The following ANKAR variants were observed in gnomAD, a reference collection of about 807,000 sequenced individuals.
ANKAR encodes ankyrin and armadillo repeat-containing protein.
In ANKAR, 136 loss-of-function variants were observed where a neutral mutation model predicts 146.2. The ratio of observed to expected loss-of-function variants is 0.93; its 90% confidence interval spans 0.81 to 1.07. The LOEUF is 1.07. Among genes scored for constraint, ANKAR ranks in the 50% least tolerant of loss-of-function variants. The pLI, the probability that ANKAR is intolerant of heterozygous loss-of-function variation, is 0.00. For missense variants in ANKAR, 1,567 were observed against 1,679.9 expected, an observed-to-expected ratio of 0.93 and a Z score of 1.18; for synonymous variants, 500 against 575.8, an observed-to-expected ratio of 0.87 and a Z score of 1.88.
intron 2 of ANKAR, among the ~76,000 whole-genome samples, chr2:189,678,164 G>A (rs1022849416): frequency 6.6e-6 from 1 of 151,970 alleles, no homozygotes; most frequent in African/African-American, 2.4e-5. Context: ...TCTCAGTGTG[G>A]TTTGATTTGC....
chr2:189,729,605 A>G (rs1182064498), intron 15 of ANKAR, among the ~76,000 whole-genome samples: 1 of 150,228 alleles, frequency 6.7e-6, no homozygotes, highest in African/African-American at 2.4e-5. Context: ...AAATGATAAT[A>G]TATATGCAAG....
downstream of ANKAR, chr2:189,761,211 GGC>G (rs1377299156): frequency 1.3e-5 from 5 of 387,096 alleles, no homozygotes; most frequent in East Asian, 2.0e-4. Context: ...AGTTTCTTTT[GGC>G]AACAGGATTA....
At chr2:189,746,129 C>A (rs183092600) in intron 22 of ANKAR, among the ~76,000 whole-genome samples, 2 of 152,206 alleles carry the variant, frequency 1.3e-5, no homozygotes, top group Admixed American at 1.3e-4. Flanking sequence ...TTAAAATATT[C>A]TTTATTTTAC....
chr2:189,732,044 T>A (rs998271018), intron 16 of ANKAR, among the ~76,000 whole-genome samples: 3 of 152,302 alleles, frequency 2.0e-5, no homozygotes, highest in African/African-American at 7.2e-5. Context: ...AATGTATCCA[T>A]CTATATTTCA....
intron 18 of ANKAR, chr2:189,752,598 AGGCTTT>A: frequency 6.4e-7 from 1 of 1,569,320 alleles, no homozygotes. Flanking sequence ...GGCAAAATCC[AGGCTTT>A]GTCTTAAGTA....
At chr2:189,679,362 G>A (rs1248535085) in intron 2 of ANKAR, among the ~76,000 whole-genome samples, 1 of 152,150 alleles carries the variant, frequency 6.6e-6, no homozygotes, top group Non-Finnish European at 1.5e-5. Flanking sequence ...GAGGTTTTTA[G>A]ATGAATCCTT....
intron 7 of ANKAR, among the ~76,000 whole-genome samples, chr2:189,697,309 A>C (rs1227341596): frequency 3.3e-5 from 5 of 152,056 alleles, no homozygotes; most frequent in African/African-American, 1.2e-4. Flanking sequence ...TGAAGCAGGA[A>C]GATTGCTTGA....
At chr2:189,722,116 A>G (rs2245753) in intron 12 of ANKAR, among the ~76,000 whole-genome samples, 149,320 of 152,182 alleles carry the variant, frequency 0.98, 73,315 homozygotes, top group East Asian at 1. Context: ...AGGCTGAGGC[A>G]GATCACCTGA....
rs1166196499 is a variant in ANKAR at position 189,701,383 on chromosome 2, C to T, written c.1709-3640C>T. On this transcript the variant is annotated intron_variant, in intron 7 of 22. Coordinates refer to ENST00000684021, the MANE Select transcript of ANKAR (RefSeq NM_001378068.1). Reference sequence around the variant, plus strand: ...TAGTAGCTGGGACTACAGGCCCATGCCACCATGGCTGGCTAATTTTGTTTA... The same window carrying T: ...TAGTAGCTGGGACTACAGGCCCATGTCACCATGGCTGGCTAATTTTGTTTA... 2.0e-5 allele frequency among the ~76,000 whole-genome samples: 3 copies of T among 152,112 alleles called. No homozygotes were observed. In the East Asian group the frequency reaches 5.8e-4, roughly 29 times the overall value.
intron 2 of ANKAR, among the ~76,000 whole-genome samples, chr2:189,682,410 G>A (rs1364840914): frequency 6.6e-6 from 1 of 152,128 alleles, no homozygotes; most frequent in Non-Finnish European, 1.5e-5. Context: ...AATGTGTGGT[G>A]CAAGCAGTGG....
At chr2:189,683,263 T>C (rs2035020614) in intron 2 of ANKAR, among the ~76,000 whole-genome samples, 1 of 152,156 alleles carries the variant, frequency 6.6e-6, no homozygotes, top group Admixed American at 6.5e-5. Flanking sequence ...TAAGACAGGA[T>C]AGATGAGGGA....
intron 17 of ANKAR, among the ~76,000 whole-genome samples, chr2:189,733,926 G>A (rs1397419052): frequency 6.6e-6 from 1 of 151,760 alleles, no homozygotes; most frequent in Non-Finnish European, 1.5e-5. Context: ...GTGAAGCTCA[G>A]CCCTTCTTTG....
chr2:189,693,020 A>G, intron 4 of ANKAR, 54 bp from the exon 5 acceptor site: 1 of 915,966 alleles, frequency 1.1e-6, no homozygotes, highest in Non-Finnish European at 1.6e-6. Flanking sequence ...GAATTCTTAT[A>G]ATTGTTTAGA....
downstream of ANKAR, chr2:189,750,764 T>G (rs2045044264): frequency 6.6e-6 from 5 of 754,282 alleles, no homozygotes; most frequent in Non-Finnish European, 8.2e-6. Flanking sequence ...AAATATTTAA[T>G]TCATCATATG....
intron 18 of ANKAR, chr2:189,754,222 G>T: frequency 6.2e-7 from 1 of 1,613,856 alleles, no homozygotes; most frequent in Non-Finnish European, 8.5e-7. Context: ...TTTTTAGCAT[G>T]ATGCAAGGGA....
In ANKAR at chr2:189,695,113, T is replaced by C. The variant is rs768257928; in HGVS notation, c.1440T>C (p.His480=). The change falls in exon 6 of 23, where the codon CAT becomes CAC. Residue 480 remains histidine, a synonymous_variant. Coordinates refer to ENST00000684021, the MANE Select transcript of ANKAR (RefSeq NM_001378068.1). ...TTCCACTGACAGATGCTCAATTACATGAACAATTTAAGAAAAAGCTTGGTT... is the reference window on the plus strand; with the variant it reads ...TTCCACTGACAGATGCTCAATTACACGAACAATTTAAGAAAAAGCTTGGTT... ...KRLPLTDAQL[H]EQFKKKLGFK... 10 of 1,608,944 alleles carry C rather than the reference T, an allele frequency of 6.2e-6. No individual in the cohort carries two copies. In the African/African-American group the frequency reaches 1.3e-4, roughly 22 times the overall value.
At chr2:189,747,242 G>A (rs2044265262), downstream of ANKAR, 3 of 150,996 alleles carry the variant, frequency 2.0e-5, no homozygotes, top group South Asian at 6.3e-4. Context: ...AAGAGGCTAA[G>A]GCAGGAGGAT....
In ANKAR at chr2:189,727,999, G is replaced by C. The variant is rs571785572; in HGVS notation, c.2779G>C (p.Gly927Arg). The C allele has an allele frequency of 5.6e-6, 9 of 1,613,728 alleles. No individual in the cohort carries two copies. The highest frequency in any genetic ancestry group is 7.6e-6 in the Non-Finnish European group (9 of 1,179,952). Residue 927 changes from glycine (G) to arginine (R), a missense_variant, in exon 13 of 23, where the codon GGT (glycine) becomes CGT (arginine). Coordinates refer to ENST00000684021, the MANE Select transcript of ANKAR (RefSeq NM_001378068.1). Reference protein sequence around the residue: ...KGKQISVQMKGAMAVESLASH... With the variant: ...KGKQISVQMKRAMAVESLASH... ...GAAACAAATTAGTGTCCAAATGAAA[G>C]GTGCAATGGCTGTGGAATCACTGGC...
At chr2:189,740,214 A>G (rs1395329823) in intron 19 of ANKAR, among the ~76,000 whole-genome samples, 2 of 152,208 alleles carry the variant, frequency 1.3e-5, no homozygotes, top group East Asian at 3.8e-4. Context: ...TTTGAGAACT[A>G]TAAACTTTAG....
Sources: allele counts gnomAD v4.1 joint callset (sites outside exome capture counted in the v4.1 genomes callset), GRCh38; gene constraint gnomAD v4.1.1; transcripts MANE v1.5; gene names NCBI Gene and HGNC (gene_info 2026-07-23, HGNC 2026-07-21).